RYR1: variants seen among roughly 807,000 people sequenced by gnomAD.
RYR1 encodes ryanodine receptor 1.
RYR1 carries 342 observed loss-of-function variants against 583.5 expected under a neutral mutation model. That is an observed-to-expected ratio of 0.59 (90% CI 0.54 to 0.64). The LOEUF (loss-of-function observed/expected upper bound fraction) is 0.64, where lower values mean the gene tolerates loss of function less well. Among genes scored for constraint, RYR1 ranks in the 30% least tolerant of loss-of-function variants. The probability of loss-of-function intolerance (pLI) is 0.00; values close to 1 mark genes in which losing one functional copy is unlikely to be tolerated. For missense variants in RYR1, 6,032 were observed against 6,917.2 expected, an observed-to-expected ratio of 0.87 and a Z score of 4.54; for synonymous variants, 2,791 against 2,822.5, an observed-to-expected ratio of 0.99 and a Z score of 0.35.
intron 63 of RYR1, 33 bp from the exon 64 acceptor site, chr19:38,514,993 G>C: frequency 6.6e-7 from 1 of 1,522,014 alleles, no homozygotes; most frequent in East Asian, 2.3e-5. Flanking sequence ...TCTTGTGAGC[G>C]CATGCCGCAG....
In RYR1 at chr19:38,497,373, C is replaced by T. The variant is rs190640252; in HGVS notation, c.6891+419C>T. On this transcript the variant is annotated intron_variant, in intron 42 of 105. Transcript: ENST00000359596. ...CACATTTCTTCGCTCTCCGAGCTTC[C>T]ACTTCTGTGTACAGTGGTGAAATGC... Among the ~76,000 whole-genome samples the T allele has an allele frequency of 1.8e-4, 27 of 152,334 alleles. No homozygotes were observed. In the East Asian group the frequency reaches 4.6e-3, roughly 26 times the overall value.
chr19:38,545,322 C>T (rs1035761495), intron 87 of RYR1, among the ~76,000 whole-genome samples: 4 of 152,140 alleles, frequency 2.6e-5, no homozygotes, highest in East Asian at 3.9e-4. Context: ...AAACCACAGG[C>T]GCCCACCCAC....
intron 89 of RYR1, among the ~76,000 whole-genome samples, chr19:38,552,324 G>A (rs972964226): frequency 1.3e-5 from 2 of 151,290 alleles, no homozygotes; most frequent in Non-Finnish European, 2.9e-5. Flanking sequence ...ATGTGATCTC[G>A]GCTCACTGCA....
At chr19:38,554,962 T>C (rs950752931) in intron 89 of RYR1, among the ~76,000 whole-genome samples, 5 of 152,176 alleles carry the variant, frequency 3.3e-5, no homozygotes, top group Non-Finnish European at 7.3e-5. Flanking sequence ...CAGTGGTTTA[T>C]AGTGTGTTCA....
rs575670602 is a variant in RYR1 at position 38,577,892 on chromosome 19, A to G, written c.14173-26A>G. On this transcript the variant is annotated intron_variant, in intron 97 of 105. Transcript: ENST00000359596. ...ACACACCCACACTCCAGCTGTGTCT[A>G]CACAGCCTGATGCTCTCTTGTGCAG... 6 of 1,613,916 alleles carry G rather than the reference A, an allele frequency of 3.7e-6. No individual in the cohort carries two copies. The East Asian group carries it at 1.3e-4, about 36-fold the overall frequency.
intron 88 of RYR1, 141 bp from the exon 89 acceptor site, chr19:38,548,092 A>C: frequency 1.1e-6 from 1 of 872,472 alleles, no homozygotes; most frequent in East Asian, 2.6e-5. Context: ...GCAGGTCAGG[A>C]AGGGACCTGT....
rs562832606 is a variant in RYR1 at position 38,524,400 on chromosome 19, G to A, written c.10455+471G>A. On this transcript the variant is annotated intron_variant, in intron 70 of 105. Transcript: ENST00000359596. ...ATAGTTAGCCGTGTGACCTTGGTTG[G>A]GGTCATCCTTTTGAGCCTCTGAGGG... 5.9e-5 allele frequency among the ~76,000 whole-genome samples: 9 copies of A among 152,022 alleles called. No homozygotes were observed. In the East Asian group the frequency reaches 1.7e-3, roughly 30 times the overall value.
Position 38,502,897 on chromosome 19 carries a change from T to A in RYR1, c.7853T>A (p.Met2618Lys). Residue 2618 changes from methionine to lysine, a missense_variant, in exon 49 of 106, where the codon ATG (methionine) becomes AAG (lysine). Physicochemically the swap from Met to Lys is moderately conservative, Grantham distance 95. Coordinates refer to ENST00000359596, the MANE Select transcript of RYR1 (RefSeq NM_000540.3). ...TCCCGCAGGTACATCCGCCCGTCGA[T>A]GCTGCAGCACCTGTTGCGCCGCCTG... Reference protein sequence around the residue: ...MSLCRYIRPSMLQHLLRRLVF... With the variant: ...MSLCRYIRPSKLQHLLRRLVF... 6.2e-7 allele frequency: 1 copy of A among 1,611,718 alleles called. No individual in the cohort carries two copies. The highest frequency in any genetic ancestry group is 8.5e-7 in the Non-Finnish European group (1 of 1,179,986).
intron 58 of RYR1, among the ~76,000 whole-genome samples, chr19:38,509,860 T>G (rs991360731): frequency 6.6e-6 from 1 of 152,258 alleles, no homozygotes; most frequent in Non-Finnish European, 1.5e-5. Flanking sequence ...CATTGACTTC[T>G]TGTTTCATTT....
In RYR1 at chr19:38,490,293, C is replaced by T. The variant is rs377301017; in HGVS notation, c.6015+17C>T. ...CAGGAACAGGTCATCTGACCCCTGA[C>T]GCTGGCCACTTTTACTGTCTAAACC... is the stretch of plus-strand genomic sequence containing the variant. On this transcript the variant is annotated intron_variant, in intron 36 of 105. Coordinates refer to ENST00000359596, the MANE Select transcript of RYR1 (RefSeq NM_000540.3). 4.3e-6 allele frequency: 7 copies of T among 1,609,992 alleles called. No homozygotes were observed. In the Admixed American group the frequency reaches 6.7e-5, roughly 15 times the overall value.
At chr19:38,467,478 A>C in intron 24 of RYR1, 132 bp from the exon 25 acceptor site, 1 of 1,005,190 alleles carries the variant, frequency 9.9e-7, no homozygotes, top group Non-Finnish European at 1.6e-6. Context: ...TCTAACTCCA[A>C]GAAATTGACC....
intron 87 of RYR1, among the ~76,000 whole-genome samples, chr19:38,544,191 A>C (rs1972327991): frequency 6.6e-6 from 1 of 152,120 alleles, no homozygotes; most frequent in Non-Finnish European, 1.5e-5. Flanking sequence ...GAGTCATCGC[A>C]GATGTGGACA....
At chr19:38,562,784 C>A (rs1387758558) in intron 90 of RYR1, among the ~76,000 whole-genome samples, 1 of 152,214 alleles carries the variant, frequency 6.6e-6, no homozygotes, top group African/African-American at 2.4e-5. Context: ...CCACCGTGCA[C>A]ACTGAGCCTC....
chr19:38,587,271 T>C (rs1974538199), intron 105 of RYR1, 54 bp from the exon 106 acceptor site: 4 of 1,158,126 alleles, frequency 3.5e-6, no homozygotes, highest in Non-Finnish European at 5.2e-6. Flanking sequence ...TATATATATA[T>C]GTCTCAAGGG....
chr19:38,457,745 A>G, intron 17 of RYR1, 115 bp downstream of exon 17: 1 of 1,118,140 alleles, frequency 8.9e-7, no homozygotes, highest in Non-Finnish European at 1.3e-6. Flanking sequence ...CAGGGTTAAC[A>G]ACCAGTCCTC....
intron 27 of RYR1, among the ~76,000 whole-genome samples, chr19:38,470,623 G>A (rs1968374573): frequency 1.3e-5 from 2 of 151,866 alleles, no homozygotes; most frequent in Admixed American, 1.3e-4. Context: ...GGTGCCTGTA[G>A]TCCCAGCTAC....
intron 11 of RYR1, among the ~76,000 whole-genome samples, chr19:38,451,221 G>A (rs1967059066): frequency 6.6e-6 from 1 of 152,242 alleles, no homozygotes; most frequent in Non-Finnish European, 1.5e-5. Context: ...CCTGGGCCAT[G>A]TCCAAAGTGG....
chr19:38,448,784 G>A lies in RYR1; in HGVS notation c.1093G>A (p.Ala365Thr), dbSNP rs1196023260. Reference protein sequence around the residue: ...WLTYAAPDPKALRLGVLKKKA... With the variant: ...WLTYAAPDPKTLRLGVLKKKA... Reference sequence around the variant, plus strand: ...CACCTATGCTGCTCCAGACCCCAAGGCCCTGCGGCTCGGCGTGCTCAAGAA... The same window carrying A: ...CACCTATGCTGCTCCAGACCCCAAGACCCTGCGGCTCGGCGTGCTCAAGAA... Residue 365 changes from alanine (A) to threonine (T), a missense_variant, in exon 11 of 106, where the codon GCC (alanine) becomes ACC (threonine). Transcript: ENST00000359596. 1.2e-6 allele frequency: 2 copies of A among 1,614,132 alleles called. No homozygotes were observed. The highest frequency in any genetic ancestry group is 1.1e-5 in the South Asian group (1 of 91,084).
At chr19:38,459,109 C>T (rs760022633) in intron 18 of RYR1, 37 bp from the exon 19 acceptor site, 9 of 1,572,814 alleles carry the variant, frequency 5.7e-6, no homozygotes, top group Non-Finnish European at 7.9e-6. Flanking sequence ...TTCTGTGGGA[C>T]CTGTGACGTC....
Sources: allele counts gnomAD v4.1 joint callset (sites outside exome capture counted in the v4.1 genomes callset), GRCh38; gene constraint gnomAD v4.1.1; transcripts MANE v1.5; gene names NCBI Gene and HGNC (gene_info 2026-07-23, HGNC 2026-07-21).